AKAP6: variants seen among roughly 807,000 people sequenced by gnomAD.
AKAP6 encodes the protein A-kinase anchor protein 6.
A neutral mutation model predicts 188.5 loss-of-function variants in AKAP6; 58 were observed. The ratio of observed to expected loss-of-function variants is 0.31; its 90% confidence interval spans 0.25 to 0.38. AKAP6 has a LOEUF of 0.38. Among genes scored for constraint, AKAP6 ranks in the 10% least tolerant of loss-of-function variants. The probability of loss-of-function intolerance (pLI) is 1.00; values close to 1 mark genes in which losing one functional copy is unlikely to be tolerated. For missense variants in AKAP6, 2,710 were observed against 2,740.0 expected (o/e 0.99, Z 0.24); for synonymous variants, 989 against 998.6 (o/e 0.99, Z 0.18).
chr14:32,463,143 G>T (rs1891410302), intron 2 of AKAP6, among the ~76,000 whole-genome samples: 1 of 151,958 alleles, frequency 6.6e-6, no homozygotes, highest in African/African-American at 2.4e-5. Flanking sequence ...CTCCCACACA[G>T]TAATAGTGGG....
chr14:32,545,367 T>C lies in AKAP6; in HGVS notation c.714T>C (p.Ser238=). Residue 238 remains serine, a synonymous_variant, in exon 4 of 14, where the codon AGT becomes AGC. Coordinates refer to ENST00000280979, the MANE Select transcript of AKAP6 (RefSeq NM_004274.5). ...ACAGTCCAAGTGAGGATTTGCTCAG[T>C]GGGCTAGGTGACATGACCTCTAGCC... ...SDYSPSEDLL[S]GLGDMTSSQV... is the part of the protein sequence containing the mutation. The C allele has an allele frequency of 6.2e-7, 1 of 1,614,202 alleles. No homozygotes were observed. The highest frequency in any genetic ancestry group is 8.5e-7 in the Non-Finnish European group (1 of 1,180,008).
At chr14:32,672,695 G>A (rs1049558634) in intron 7 of AKAP6, among the ~76,000 whole-genome samples, 8 of 151,844 alleles carry the variant, frequency 5.3e-5, no homozygotes, top group African/African-American at 1.9e-4. Context: ...ACATAATTCA[G>A]TCCATAATAT....
intron 2 of AKAP6, among the ~76,000 whole-genome samples, chr14:32,475,904 C>T (rs913622833): frequency 7.2e-5 from 11 of 151,836 alleles, no homozygotes; most frequent in Non-Finnish European, 1.0e-4. Flanking sequence ...AGGATGGTCT[C>T]GATCTCCTGA....
intron 11 of AKAP6, among the ~76,000 whole-genome samples, chr14:32,768,152 G>A (rs1032741791): frequency 6.6e-6 from 1 of 152,192 alleles, no homozygotes; most frequent in South Asian, 2.1e-4. Flanking sequence ...TGATCCCAAA[G>A]CAGCCAGACA....
Position 32,453,575 on chromosome 14 carries a change from C to CTTTT in AKAP6, c.324+19794_324+19797dup, listed in dbSNP as rs71115071. Among the ~76,000 whole-genome samples, 25 of 95,344 alleles carry CTTTT rather than the reference C, an allele frequency of 2.6e-4. 3 individuals are homozygous for CTTTT. Among genetic ancestry groups the CTTTT allele is most frequent in the Admixed American group, 5.8e-4 (4 of 6,910 alleles). The allele number at this position is 95,344 out of a possible 152,430, so 62.5% of individuals were successfully genotyped here. On this transcript the variant is annotated intron_variant, in intron 2 of 13. Transcript: ENST00000280979. ...GTGGAGATAATAGAATTTTTCTTTT[C>CTTTT]TTTTTTTTTTTTTTTTTTTTTTTTT...
chr14:32,821,570 G>T lies in AKAP6; in HGVS notation c.3757G>T (p.Glu1253Ter). The part of the protein sequence containing the change: ...QPVIPSLKLG[E>*]TSNEDPGYDE... The stretch of plus-strand genomic sequence containing the variant: ...TGTTATCCCTTCCTTGAAGCTTGGA[G>T]AGACAAGTAATGAGGACCCTGGTTA... Residue 1253 changes from glutamate (E) to a stop codon, truncating the protein, a stop_gained, in exon 13 of 14, where the codon GAG (glutamate) becomes TAG (stop). Coordinates refer to ENST00000280979, the MANE Select transcript of AKAP6 (RefSeq NM_004274.5). LOFTEE classifies it high-confidence loss of function. The T allele has an allele frequency of 3.1e-6, 5 of 1,613,724 alleles. No homozygotes were observed. The highest frequency in any genetic ancestry group is 4.2e-6 in the Non-Finnish European group (5 of 1,179,842).
intron 5 of AKAP6, among the ~76,000 whole-genome samples, chr14:32,589,336 C>T (rs571843185): frequency 3.3e-5 from 5 of 152,206 alleles, no homozygotes; most frequent in Non-Finnish European, 4.4e-5. Flanking sequence ...GGCAACATTA[C>T]TTCTCTTTGG....
chr14:32,435,474 T>A (rs1890349385), intron 2 of AKAP6, among the ~76,000 whole-genome samples: 1 of 152,218 alleles, frequency 6.6e-6, no homozygotes, highest in African/African-American at 2.4e-5. Flanking sequence ...TAGGGTTATA[T>A]TTAGTGTTTG....
At chr14:32,763,988 T>C (rs2032624159) in intron 11 of AKAP6, among the ~76,000 whole-genome samples, 1 of 152,218 alleles carries the variant, frequency 6.6e-6, no homozygotes, top group African/African-American at 2.4e-5. Flanking sequence ...ATATGCAAGG[T>C]ATAGTTAAAC....
chr14:32,707,383 A>G (rs1890852423), intron 9 of AKAP6, among the ~76,000 whole-genome samples: 1 of 152,068 alleles, frequency 6.6e-6, no homozygotes, highest in Admixed American at 6.6e-5. Flanking sequence ...CCTTCATTAC[A>G]ACAGTATTAT....
intron 7 of AKAP6, among the ~76,000 whole-genome samples, chr14:32,675,901 A>G (rs1476495384): frequency 6.6e-6 from 1 of 152,214 alleles, no homozygotes; most frequent in Non-Finnish European, 1.5e-5. Context: ...AGAATTACAG[A>G]GATGAATGCA....
rs571680392 is a variant in AKAP6, at chr14:32,764,933, C to CT, written c.3373-8726dup. 5.0e-3 allele frequency among the ~76,000 whole-genome samples: 627 copies of CT among 124,662 alleles called. 4 individuals carry two copies. Among genetic ancestry groups the CT allele is most frequent in the South Asian group, 0.018 (68 of 3,880 alleles). 81.8% of individuals were successfully genotyped at this position (124,662 alleles called of 152,430 possible). ...GCTATTATTTTGCATTCAAGTGAAT[C>CT]TTTTTTTTTTTTTTTTTTTGAGACG... On this transcript the variant is annotated intron_variant, in intron 11 of 13. Transcript: ENST00000280979.
chr14:32,726,367 A>G (rs2030874603), intron 9 of AKAP6, among the ~76,000 whole-genome samples: 1 of 152,248 alleles, frequency 6.6e-6, no homozygotes, highest in African/African-American at 2.4e-5. Flanking sequence ...GTCTAAATAG[A>G]AAAAGAAAAG....
intron 7 of AKAP6, among the ~76,000 whole-genome samples, chr14:32,676,842 T>C (rs1889448157): frequency 6.6e-6 from 1 of 152,250 alleles, no homozygotes; most frequent in Non-Finnish European, 1.5e-5. Flanking sequence ...TTCTTTTCTT[T>C]TTTTAAATTG....
At chr14:32,384,805 G>A (rs1338266285) in intron 1 of AKAP6, among the ~76,000 whole-genome samples, 3 of 152,074 alleles carry the variant, frequency 2.0e-5, no homozygotes, top group South Asian at 2.1e-4. Context: ...TGAAGTGTAC[G>A]TAAATTCTGA....
intron 5 of AKAP6, among the ~76,000 whole-genome samples, chr14:32,598,053 G>T (rs557312247): frequency 1.3e-5 from 2 of 152,144 alleles, no homozygotes; most frequent in African/African-American, 4.8e-5. Flanking sequence ...AATCTCTATT[G>T]CCCAGCACAG....
intron 2 of AKAP6, among the ~76,000 whole-genome samples, chr14:32,448,146 C>T (rs1274497106): frequency 1.3e-5 from 2 of 152,234 alleles, no homozygotes; most frequent in African/African-American, 2.4e-5. Context: ...GAACCAAAAT[C>T]TGGCATCCAC....
At chr14:32,741,559 T>C (rs1415379986) in intron 11 of AKAP6, among the ~76,000 whole-genome samples, 2 of 151,908 alleles carry the variant, frequency 1.3e-5, no homozygotes, top group African/African-American at 4.8e-5. Context: ...TTTTTTAGGA[T>C]TTTTACCATG....
At chr14:32,688,525 C>A (rs1405439663) in intron 8 of AKAP6, among the ~76,000 whole-genome samples, 2 of 151,906 alleles carry the variant, frequency 1.3e-5, no homozygotes, top group Non-Finnish European at 2.9e-5. Context: ...CTATCCATAC[C>A]CAAAGAATAA....
Sources: gnomAD v4.1 joint callset for allele counts (sites outside exome capture counted in the v4.1 genomes callset) on GRCh38, gnomAD v4.1.1 for gene constraint, MANE v1.5 for transcripts, NCBI Gene and HGNC (gene_info 2026-07-23, HGNC 2026-07-21) for gene names.